USP25: variants seen among roughly 807,000 people sequenced by gnomAD.
The protein encoded by USP25 is ubiquitin carboxyl-terminal hydrolase 25.
Under a neutral mutation model 158.5 loss-of-function variants are expected in USP25, and 85 were observed. The observed-to-expected ratio is 0.54, with a 90% CI of 0.45 to 0.64. The LOEUF (loss-of-function observed/expected upper bound fraction) is 0.64. Ranked by LOEUF, USP25 falls within the 30% of genes least tolerant of loss-of-function variation. USP25 has a pLI of 0.00. For synonymous variants in USP25, 464 were observed against 460.4 expected (o/e 1.01, Z -0.10); for missense variants, 1,242 against 1,327.3 (o/e 0.94, Z 1.00).
At chr21:15,829,576 A>T (rs778592580) in intron 14 of USP25, among the ~76,000 whole-genome samples, 9 of 152,054 alleles carry the variant, frequency 5.9e-5, no homozygotes, top group Non-Finnish European at 1.0e-4. Flanking sequence ...GTGAAGTTGG[A>T]TATTTATATT....
chr21:15,807,509 G>A (rs1380788321), intron 7 of USP25, among the ~76,000 whole-genome samples: 1 of 152,168 alleles, frequency 6.6e-6, no homozygotes, highest in East Asian at 1.9e-4. Flanking sequence ...AGTTCTAGAG[G>A]GCAGAGGTCC....
chr21:15,823,341 C>G (rs932138716), intron 10 of USP25, among the ~76,000 whole-genome samples: 4 of 151,154 alleles, frequency 2.6e-5, no homozygotes, highest in African/African-American at 9.7e-5. Flanking sequence ...GTTACCAAAG[C>G]ATGTATGGGG....
chr21:15,760,850 T>C (rs2033681283), intron 1 of USP25, among the ~76,000 whole-genome samples: 1 of 152,198 alleles, frequency 6.6e-6, no homozygotes, highest in Admixed American at 6.5e-5. Context: ...ATAAAAAAGA[T>C]ACTCTCTTAC....
At chr21:15,798,330 G>T (rs2035962867) in intron 5 of USP25, among the ~76,000 whole-genome samples, 1 of 151,202 alleles carries the variant, frequency 6.6e-6, no homozygotes, top group Non-Finnish European at 1.5e-5. Context: ...ATTTTTTAAA[G>T]CTCCGCAGTT....
At chr21:15,818,265 T>C (rs1467845244) in intron 9 of USP25, among the ~76,000 whole-genome samples, 2 of 152,192 alleles carry the variant, frequency 1.3e-5, no homozygotes, top group Admixed American at 1.3e-4. Flanking sequence ...AACTTTCTTT[T>C]TATAACAATT....
intron 17 of USP25, among the ~76,000 whole-genome samples, chr21:15,838,760 A>G (rs145590898): frequency 6.6e-6 from 1 of 152,344 alleles, no homozygotes; most frequent in Non-Finnish European, 1.5e-5. Flanking sequence ...GAAAGATATC[A>G]GAGATGTTGG....
At chr21:15,824,249 TTTTC>T in intron 11 of USP25, 83 bp downstream of exon 11, 2 of 1,515,958 alleles carry the variant, frequency 1.3e-6, no homozygotes, top group Non-Finnish European at 1.8e-6. Context: ...TTCTGCATAA[TTTTC>T]TTAGAATTAA....
At chr21:15,823,232 C>T (rs763640839) in intron 10 of USP25, among the ~76,000 whole-genome samples, 2 of 151,028 alleles carry the variant, frequency 1.3e-5, no homozygotes, top group Non-Finnish European at 2.9e-5. Flanking sequence ...TACATACAAT[C>T]TTTCTTTCTC....
chr21:15,845,394 G>C (rs572921106), intron 18 of USP25, among the ~76,000 whole-genome samples: 1 of 152,210 alleles, frequency 6.6e-6, no homozygotes. Context: ...TTTTACTCTA[G>C]TGAGCCCTTA....
chr21:15,753,711 A>G (rs1029010711), intron 1 of USP25, among the ~76,000 whole-genome samples: 1 of 152,172 alleles, frequency 6.6e-6, no homozygotes, highest in African/African-American at 2.4e-5. Context: ...AGGGAAAAAA[A>G]AAAAAAGGCT....
chr21:15,869,992 C>A, intron 22 of USP25, 76 bp from the exon 23 acceptor site: 1 of 1,054,366 alleles, frequency 9.5e-7, no homozygotes, highest in Non-Finnish European at 1.4e-6. Flanking sequence ...CGAAACAGTG[C>A]ATTACTTTTT....
chr21:15,871,546 A>G lies in USP25; in HGVS notation c.2885+1399A>G, dbSNP rs146716830. 5.3e-4 allele frequency among the ~76,000 whole-genome samples: 80 copies of G among 152,328 alleles called. No homozygotes were observed. In the East Asian group the frequency reaches 0.013, roughly 26 times the overall value. ...AGACCTCGTATTCTTGTATAATTTA[A>G]TGAAATCATGTAAGTACAAAATGTA... On this transcript the variant is annotated intron_variant, in intron 23 of 25. Coordinates refer to ENST00000400183, the MANE Select transcript of USP25 (RefSeq NM_001283041.3).
At chr21:15,802,731 A>C (rs1368761735) in intron 6 of USP25, among the ~76,000 whole-genome samples, 1 of 151,762 alleles carries the variant, frequency 6.6e-6, no homozygotes, top group Non-Finnish European at 1.5e-5. Flanking sequence ...TAATGATAGC[A>C]GCTTGCATAT....
In USP25 at chr21:15,799,791, T is replaced by G; in HGVS notation, c.590T>G (p.Val197Gly). The change falls in exon 6 of 26, where the codon GTT (valine) becomes GGT (glycine). Residue 197 changes from valine (V) to glycine (G), a missense_variant. Transcript: ENST00000400183. ...AATCTTTTGGAATTTAGAAGATTAG[T>G]TCTGAATTACAAGCCTCCATCAAAT... is the stretch of plus-strand genomic sequence containing the variant. ...LFNLLEFRRL[V>G]LNYKPPSNAQ... The G allele has an allele frequency of 6.2e-7, 1 of 1,602,010 alleles. No individual in the cohort carries two copies. The highest frequency in any genetic ancestry group is 8.5e-7 in the Non-Finnish European group (1 of 1,174,226).
intron 5 of USP25, among the ~76,000 whole-genome samples, chr21:15,796,924 A>G (rs1185615478): frequency 6.6e-6 from 1 of 151,528 alleles, no homozygotes; most frequent in Non-Finnish European, 1.5e-5. Context: ...AAGGAATTAA[A>G]AGCAAGATTG....
intron 5 of USP25, among the ~76,000 whole-genome samples, chr21:15,796,820 G>A (rs1448972675): frequency 6.6e-6 from 1 of 151,350 alleles, no homozygotes; most frequent in Non-Finnish European, 1.5e-5. Context: ...CAGAAAATAA[G>A]ATGTGTGTGA....
chr21:15,765,890 A>G, intron 2 of USP25, 107 bp from the exon 3 acceptor site: 4 of 1,183,030 alleles, frequency 3.4e-6, no homozygotes, highest in East Asian at 2.6e-5. Context: ...ATTAATTGCA[A>G]ATTTAAAGCA....
chr21:15,813,511 C>A (rs911863241), intron 9 of USP25, among the ~76,000 whole-genome samples: 17 of 152,164 alleles, frequency 1.1e-4, no homozygotes, highest in African/African-American at 4.1e-4. Context: ...AAAGGAATTA[C>A]CCAGTTTTAT....
At chr21:15,757,924 A>G (rs1177499402) in intron 1 of USP25, among the ~76,000 whole-genome samples, 1 of 152,198 alleles carries the variant, frequency 6.6e-6, no homozygotes. Context: ...CTTTGTGGTT[A>G]TTAATTTGTG....
Sources: gnomAD v4.1 joint callset for allele counts (sites outside exome capture counted in the v4.1 genomes callset) on GRCh38, gnomAD v4.1.1 for gene constraint, MANE v1.5 for transcripts, NCBI Gene and HGNC (gene_info 2026-07-23, HGNC 2026-07-21) for gene names.